Variants in SOS2 observed in about 807,000 individuals in gnomAD.
The protein encoded by SOS2 is SOS Ras/Rho guanine nucleotide exchange factor 2, also known as son of sevenless homolog 2.
Under a neutral mutation model 148.2 loss-of-function variants are expected in SOS2, and 65 were observed. That is an observed-to-expected ratio of 0.44 (90% CI 0.36 to 0.54). The LOEUF is 0.54. SOS2 is among the 20% of genes least tolerant of loss of function. The pLI, the probability that SOS2 is intolerant of heterozygous loss-of-function variation, is 0.00. For synonymous variants in SOS2, 539 were observed against 537.1 expected (o/e 1.00, Z -0.05); for missense variants, 1,341 against 1,590.2 (o/e 0.84, Z 2.67).
At chr14:50,219,422 A>T (rs1887136322) in intron 1 of SOS2, among the ~76,000 whole-genome samples, 1 of 152,210 alleles carries the variant, frequency 6.6e-6, no homozygotes, top group Non-Finnish European at 1.5e-5. Context: ...TTGAAAAAAA[A>T]GAGTATGTAC....
At position 50,231,525 on chromosome 14, in the gene SOS2, G is replaced by A. The variant is rs1239240684; in HGVS notation, c.-242C>T. 1.3e-5 allele frequency: 2 copies of A among 151,632 alleles called. No homozygotes were observed. Among genetic ancestry groups the A allele is most frequent in the East Asian group, 1.9e-4 (1 of 5,142 alleles). 9.4% of individuals were successfully genotyped at this position (151,632 alleles called of 1,614,324 possible). On this transcript the variant is annotated 5_prime_UTR_variant, in exon 1 of 23. Coordinates refer to ENST00000216373, the MANE Select transcript of SOS2 (RefSeq NM_006939.4). Reference sequence around the variant, plus strand: ...GCAGAGGAAGCGCGGCGACCCGCAAGCCCGGGCGACCCCGGGCGGCGACCT... The same window carrying A: ...GCAGAGGAAGCGCGGCGACCCGCAAACCCGGGCGACCCCGGGCGGCGACCT...
intron 4 of SOS2, among the ~76,000 whole-genome samples, chr14:50,190,391 C>T (rs1421768105): frequency 6.6e-6 from 1 of 152,122 alleles, no homozygotes; most frequent in East Asian, 1.9e-4. Flanking sequence ...TAAACTGTAC[C>T]ACATGTTGGT....
At chr14:50,231,127 C>A in intron 1 of SOS2, 70 bp downstream of exon 1, 1 of 961,378 alleles carries the variant, frequency 1.0e-6, no homozygotes, top group Non-Finnish European at 1.4e-6. Context: ...GTGGGAGGGA[C>A]GACCTGCTCC....
At position 50,118,387 on chromosome 14, in the gene SOS2, A is replaced by G; in HGVS notation, c.3956T>C (p.Leu1319Ser). Reference protein sequence around the residue: ...TYKRELSHPPLYRLPLLENAE... With the variant: ...TYKRELSHPPSYRLPLLENAE... ...ATTTTCTAGCAAAGGCAGTCTGTACAATGGGGGGTGCGAAAGCTCCCGTTT... is the reference window on the plus strand; with the variant it reads ...ATTTTCTAGCAAAGGCAGTCTGTACGATGGGGGGTGCGAAAGCTCCCGTTT... Residue 1319 changes from leucine (L) to serine (S), a missense_variant, in exon 23 of 23, where the codon TTG becomes TCG. Physicochemically the swap from Leu to Ser is moderately radical, Grantham distance 145. This residue lies in a region of SOS2 where 354 missense variants were observed against 347.7 expected (regional missense o/e 1.02). Transcript: ENST00000216373. 1 of 1,614,116 alleles carries G rather than the reference A, an allele frequency of 6.2e-7. No individual in the cohort carries two copies. The highest frequency in any genetic ancestry group is 1.1e-5 in the South Asian group (1 of 91,078).
At chr14:50,149,224 T>A (rs1884586489) in intron 14 of SOS2, among the ~76,000 whole-genome samples, 1 of 152,168 alleles carries the variant, frequency 6.6e-6, no homozygotes, top group South Asian at 2.1e-4. Context: ...AATTGAGGCT[T>A]CTATACTACT....
chr14:50,133,215 T>C (rs1010297514), intron 19 of SOS2, among the ~76,000 whole-genome samples: 1 of 151,246 alleles, frequency 6.6e-6, no homozygotes, highest in Non-Finnish European at 1.5e-5. Context: ...TTTCATTCCA[T>C]TTTTCCATGA....
In SOS2 at chr14:50,188,926, T is replaced by C. The variant is rs1168065474; in HGVS notation, c.511-226A>G. Among the ~76,000 whole-genome samples, 8 of 151,752 alleles carry C rather than the reference T, an allele frequency of 5.3e-5. No individual in the cohort carries two copies. The East Asian group carries it at 1.2e-3, about 22-fold the overall frequency. On this transcript the variant is annotated intron_variant, in intron 4 of 22. Coordinates refer to ENST00000216373, the MANE Select transcript of SOS2 (RefSeq NM_006939.4). The stretch of plus-strand genomic sequence containing the variant: ...AAAAATACAAAAAATTAGCCAGGCG[T>C]CATGGTAGGCGCTTGTAATCCCAGC...
intron 19 of SOS2, among the ~76,000 whole-genome samples, chr14:50,131,465 A>G (rs1214058686): frequency 6.6e-6 from 1 of 152,216 alleles, no homozygotes; most frequent in Non-Finnish European, 1.5e-5. Context: ...CTATTATGAA[A>G]TAACTATGCA....
intron 7 of SOS2, among the ~76,000 whole-genome samples, chr14:50,175,254 T>C (rs1885486141): frequency 6.6e-6 from 1 of 152,138 alleles, no homozygotes; most frequent in African/African-American, 2.4e-5. Flanking sequence ...ACAATAAGGT[T>C]AACATAAATC....
chr14:50,147,364 T>C (rs150821396), intron 14 of SOS2, among the ~76,000 whole-genome samples: 179 of 151,850 alleles, frequency 1.2e-3, no homozygotes, highest in Middle Eastern at 3.4e-3. Context: ...TTAAAAAAAT[T>C]AGCCAGGTAT....
intron 7 of SOS2, among the ~76,000 whole-genome samples, chr14:50,177,837 G>A (rs1460717290): frequency 2.0e-5 from 3 of 152,148 alleles, no homozygotes; most frequent in Non-Finnish European, 4.4e-5. Flanking sequence ...TATTTGAAGT[G>A]CGTTTAGGGT....
chr14:50,145,677 A>T (rs1227903050), intron 14 of SOS2, 81 bp from the exon 15 acceptor site: 37 of 933,362 alleles, frequency 4.0e-5, no homozygotes, highest in Admixed American at 2.8e-4. Flanking sequence ...AATAAGAAAA[A>T]GACAATTAAC....
chr14:50,151,512 T>C (rs1211802046), intron 13 of SOS2, among the ~76,000 whole-genome samples: 1 of 152,208 alleles, frequency 6.6e-6, no homozygotes, highest in Admixed American at 6.5e-5. Flanking sequence ...AAATGTGATA[T>C]TCTACCATTC....
chr14:50,138,000 C>T (rs917926700), intron 18 of SOS2, among the ~76,000 whole-genome samples: 5 of 151,870 alleles, frequency 3.3e-5, no homozygotes, highest in East Asian at 1.9e-4. Flanking sequence ...CCACCATGCC[C>T]GGCTAATTTT....
intron 7 of SOS2, among the ~76,000 whole-genome samples, chr14:50,178,711 T>TATATATACATATATATATAC: frequency 1.7e-5 from 2 of 120,428 alleles, no homozygotes; most frequent in South Asian, 5.3e-4. Flanking sequence ...TATATATATA[T>TATATATACATATATATATAC]ACACACATAT....
chr14:50,204,397 C>T lies in SOS2; in HGVS notation c.100G>A (p.Val34Met). 2 of 1,573,358 alleles carry T rather than the reference C, an allele frequency of 1.3e-6. No individual in the cohort carries two copies. The highest frequency in any genetic ancestry group is 1.7e-6 in the Non-Finnish European group (2 of 1,154,240). ...TCATTAGCTGAGAGAGTGGGATGCA[C>T]TTGTTCCTGAACCTTTAAAAAAAAG... ...VSALRKVQEQVHPTLSANEES... is the reference protein window; with the variant it reads ...VSALRKVQEQMHPTLSANEES... The change falls in exon 2 of 23, where the codon GTG becomes ATG. Residue 34 changes from valine (V) to methionine (M), a missense_variant. Val to Met is a conservative substitution (Grantham distance 21, BLOSUM62 1). Transcript: ENST00000216373.
At chr14:50,164,883 A>G (rs1256423457) in intron 8 of SOS2, among the ~76,000 whole-genome samples, 1 of 152,168 alleles carries the variant, frequency 6.6e-6, no homozygotes, top group African/African-American at 2.4e-5. Context: ...AAGTAACACA[A>G]ATAACTCCTG....
intron 14 of SOS2, among the ~76,000 whole-genome samples, chr14:50,148,781 A>T (rs189513484): frequency 6.6e-6 from 1 of 152,258 alleles, no homozygotes; most frequent in Non-Finnish European, 1.5e-5. Context: ...TAAAGTAAAC[A>T]TAATGTAGTA....
intron 16 of SOS2, among the ~76,000 whole-genome samples, chr14:50,144,681 ACCCG>A (rs1367428723): frequency 2.6e-5 from 4 of 151,166 alleles, no homozygotes; most frequent in African/African-American, 7.3e-5. Flanking sequence ...CAGGTGATCG[ACCCG>A]CCTCAGCCTC....
Sources: allele counts gnomAD v4.1 joint callset (sites outside exome capture counted in the v4.1 genomes callset), GRCh38; gene constraint gnomAD v4.1.1; regional missense constraint gnomAD v4.1.1; transcripts MANE v1.5; gene names NCBI Gene and HGNC (gene_info 2026-07-23, HGNC 2026-07-21).